SMIM41: variants seen among roughly 807,000 people sequenced by gnomAD.
SMIM41 encodes small integral membrane protein 41.
intron 2 of SMIM41, among the ~76,000 whole-genome samples, chr12:52,100,847 T>C (rs867030310): frequency 3.9e-5 from 6 of 152,228 alleles, no homozygotes; most frequent in South Asian, 4.1e-4. Flanking sequence ...TTACATACAC[T>C]TGCATATACA....
At chr12:52,098,081 G>A (rs369771890) in intron 2 of SMIM41, among the ~76,000 whole-genome samples, 38 of 151,252 alleles carry the variant, frequency 2.5e-4, no homozygotes, top group African/African-American at 8.1e-4. Flanking sequence ...CGCCTGTCGC[G>A]AAATTCAATG....
At chr12:52,083,670 G>A (rs148610919) in intron 1 of SMIM41, among the ~76,000 whole-genome samples, 2 of 152,338 alleles carry the variant, frequency 1.3e-5, no homozygotes, top group African/African-American at 4.8e-5. Flanking sequence ...AGTCCAGCCT[G>A]AGCCTCGGCT....
chr12:52,097,454 C>G (rs1471588632), intron 2 of SMIM41, among the ~76,000 whole-genome samples: 66 of 152,020 alleles, frequency 4.3e-4, no homozygotes, highest in Admixed American at 4.3e-3. Flanking sequence ...AGCCACATCG[C>G]TGGGGTGTGG....
chr12:52,106,581 A>T (rs1258239973), intron 2 of SMIM41, among the ~76,000 whole-genome samples: 1 of 152,126 alleles, frequency 6.6e-6, no homozygotes. Flanking sequence ...TGACCTCGTG[A>T]TCTGCCCTCC....
chr12:52,087,037 C>T (rs1029208223), intron 2 of SMIM41, among the ~76,000 whole-genome samples: 1 of 152,164 alleles, frequency 6.6e-6, no homozygotes, highest in South Asian at 2.1e-4. Flanking sequence ...GCCTGGCCCT[C>T]GCTGCAGCCA....
At position 52,107,967 on chromosome 12, in the gene SMIM41, A is replaced by G. The variant is rs1396147805; in HGVS notation, c.*784A>G. On this transcript the variant is annotated 3_prime_UTR_variant, in exon 3 of 3. Transcript: ENST00000546390. ...TACTGCCATATTTGGTTTTCTTCCC[A>G]TCTCGGGGACCCTTTTCTCTTACTA... 9.8e-6 allele frequency: 2 copies of G among 203,114 alleles called. No homozygotes were observed. The highest frequency in any genetic ancestry group is 1.0e-5 in the Non-Finnish European group (1 of 100,066). The allele number at this position is 203,114 out of a possible 1,614,324, so 12.6% of individuals were successfully genotyped here.
chr12:52,086,966 C>T (rs1189877115), intron 2 of SMIM41, among the ~76,000 whole-genome samples: 4 of 152,306 alleles, frequency 2.6e-5, no homozygotes, highest in African/African-American at 9.6e-5. Context: ...CTGGGTGCCC[C>T]CAAAGAACAT....
chr12:52,106,196 CTT>C, intron 2 of SMIM41, among the ~76,000 whole-genome samples: 1 of 152,310 alleles, frequency 6.6e-6, no homozygotes, highest in South Asian at 2.1e-4. Context: ...AAGTGAGTCT[CTT>C]TTGTTTCTGA....
chr12:52,092,015 C>T (rs1034828240), intron 2 of SMIM41: 2 of 152,206 alleles, frequency 1.3e-5, no homozygotes, highest in African/African-American at 4.8e-5. Context: ...TGCGTTTTCT[C>T]CCAGCGTGCA....
chr12:52,090,314 C>T (rs562912409), intron 2 of SMIM41, among the ~76,000 whole-genome samples: 1 of 152,174 alleles, frequency 6.6e-6, no homozygotes, highest in Non-Finnish European at 1.5e-5. Flanking sequence ...AACTCCTGAA[C>T]TCAAGTGACC....
chr12:52,095,218 T>C (rs1940069470), intron 2 of SMIM41, among the ~76,000 whole-genome samples: 1 of 151,946 alleles, frequency 6.6e-6, no homozygotes, highest in South Asian at 2.1e-4. Flanking sequence ...CACCGCTGGA[T>C]ATTACAATCC....
intron 1 of SMIM41, among the ~76,000 whole-genome samples, chr12:52,080,777 T>C (rs1939807386): frequency 6.6e-6 from 1 of 150,404 alleles, no homozygotes; most frequent in African/African-American, 2.5e-5. Flanking sequence ...GGGAGGGGAG[T>C]GTGGTCATGT....
chr12:52,082,703 C>T (rs959949091), intron 1 of SMIM41, among the ~76,000 whole-genome samples: 4 of 152,164 alleles, frequency 2.6e-5, no homozygotes, highest in Middle Eastern at 3.2e-3. Flanking sequence ...AGGGCTGGGG[C>T]GGCTGATGGG....
intron 2 of SMIM41, among the ~76,000 whole-genome samples, chr12:52,089,636 A>AC (rs1203185734): frequency 7.0e-6 from 1 of 142,094 alleles, no homozygotes; most frequent in African/African-American, 2.5e-5. Flanking sequence ...ACAAAACAAA[A>AC]ACCTGCAGGA....
At chr12:52,089,013 G>A (rs372874060) in intron 2 of SMIM41, among the ~76,000 whole-genome samples, 2 of 151,788 alleles carry the variant, frequency 1.3e-5, no homozygotes, top group Non-Finnish European at 2.9e-5. Flanking sequence ...TCATCCAGCC[G>A]CCGCTGCTTG....
At chr12:52,086,117 C>T (rs1939888144) in intron 2 of SMIM41, among the ~76,000 whole-genome samples, 1 of 152,178 alleles carries the variant, frequency 6.6e-6, no homozygotes, top group African/African-American at 2.4e-5. Flanking sequence ...ACAAGGAGTG[C>T]TCAGGGATGG....
At chr12:52,095,473 T>G (rs1339116479) in intron 2 of SMIM41, among the ~76,000 whole-genome samples, 1 of 152,082 alleles carries the variant, frequency 6.6e-6, no homozygotes, top group African/African-American at 2.4e-5. Flanking sequence ...TGGGTGTATA[T>G]CCTCTGCAGT....
intron 2 of SMIM41, among the ~76,000 whole-genome samples, chr12:52,101,917 C>T (rs534317140): frequency 1.3e-5 from 2 of 152,150 alleles, no homozygotes; most frequent in East Asian, 1.9e-4. Flanking sequence ...TTTTCCCTGT[C>T]GGTCAGGCTG....
intron 2 of SMIM41, among the ~76,000 whole-genome samples, chr12:52,088,379 G>A (rs1939925043): frequency 6.6e-6 from 1 of 152,202 alleles, no homozygotes; most frequent in Non-Finnish European, 1.5e-5. Flanking sequence ...TCCTGCCAGA[G>A]GGGCGGGAAG....
Sources: allele counts gnomAD v4.1 joint callset (sites outside exome capture counted in the v4.1 genomes callset), GRCh38; gene constraint gnomAD v4.1.1; transcripts MANE v1.5; gene names NCBI Gene and HGNC (gene_info 2026-07-23, HGNC 2026-07-21).